The following FHIT variants were observed in gnomAD, a reference collection of about 807,000 sequenced individuals.
FHIT encodes the protein bis(5'-adenosyl)-triphosphatase.
In FHIT, 19 loss-of-function variants were observed where a neutral mutation model predicts 17.9. That is an observed-to-expected ratio of 1.06 (90% CI 0.74 to 1.56). The LOEUF (loss-of-function observed/expected upper bound fraction) is 1.56, where lower values mean the gene tolerates loss of function less well. Among genes scored for constraint, FHIT ranks in the 40% most tolerant of loss-of-function variants. The pLI is 0.00. For missense variants in FHIT, 248 were observed against 189.2 expected (o/e 1.31, Z -1.82); for synonymous variants, 81 against 69.7 (o/e 1.16, Z -0.81).
intron 4 of FHIT, among the ~76,000 whole-genome samples, chr3:60,554,830 G>C (rs983769670): frequency 3.9e-5 from 6 of 152,014 alleles, no homozygotes; most frequent in African/African-American, 1.5e-4. Flanking sequence ...ACCATTTTTT[G>C]ACTCCTGAAT....
At chr3:60,883,000 C>T (rs1294524079) in intron 3 of FHIT, among the ~76,000 whole-genome samples, 3 of 151,942 alleles carry the variant, frequency 2.0e-5, no homozygotes, top group Non-Finnish European at 4.4e-5. Context: ...TAGAATGAGA[C>T]AACAAAATCA....
intron 4 of FHIT, among the ~76,000 whole-genome samples, 171 bp downstream of exon 4, chr3:60,821,748 T>C (rs781962765): frequency 3.3e-5 from 5 of 152,186 alleles, no homozygotes; most frequent in African/African-American, 1.2e-4. Context: ...CAGCTACAAA[T>C]AGAAGTCGAA....
At chr3:60,344,555 GCTCT>G (rs779223249) in intron 5 of FHIT, among the ~76,000 whole-genome samples, 12 of 152,100 alleles carry the variant, frequency 7.9e-5, no homozygotes, top group Non-Finnish European at 1.5e-4. Context: ...TTCAGATTAT[GCTCT>G]CTCTTGAGGC....
chr3:59,827,823 T>C (rs1281048841), intron 8 of FHIT, among the ~76,000 whole-genome samples: 3 of 152,266 alleles, frequency 2.0e-5, no homozygotes, highest in East Asian at 1.9e-4. Flanking sequence ...AGATAATGTA[T>C]ATTTTTTAAC....
intron 5 of FHIT, among the ~76,000 whole-genome samples, chr3:60,446,545 T>C (rs2031344399): frequency 6.6e-6 from 1 of 152,024 alleles, no homozygotes; most frequent in South Asian, 2.1e-4. Flanking sequence ...CTCTACTTAT[T>C]TTAACCTCAG....
chr3:60,524,049 G>T, intron 5 of FHIT, among the ~76,000 whole-genome samples: 1 of 151,892 alleles, frequency 6.6e-6, no homozygotes, highest in African/African-American at 2.4e-5. Flanking sequence ...TGGTCAACCA[G>T]GGTCACTCAT....
At chr3:61,183,782 G>C (rs12494967) in intron 2 of FHIT, among the ~76,000 whole-genome samples, 12,948 of 151,748 alleles carry the variant, frequency 0.085, 1,202 homozygotes, top group East Asian at 0.43. Context: ...TCATTCTGCT[G>C]TCCTCATGAC....
chr3:59,752,263 G>A lies in FHIT; in HGVS notation c.407C>T (p.Ala136Val), dbSNP rs777202550. The change falls in exon 9 of 10, where the codon GCA (alanine) becomes GTA (valine). Residue 136 changes from alanine to valine, a missense_variant. Ala to Val is a moderately conservative substitution (Grantham distance 64). Coordinates refer to ENST00000492590, the MANE Select transcript of FHIT (RefSeq NM_002012.4). ...PASWRSEEEM[A>V]AEAAALRVYF... Reference sequence around the variant, plus strand: ...GACCCGCAGAGCTGCGGCTTCTGCTGCCATTTCCTCCTCTGATCTCCAAGA... The same window carrying A: ...GACCCGCAGAGCTGCGGCTTCTGCTACCATTTCCTCCTCTGATCTCCAAGA... The A allele has an allele frequency of 5.0e-6, 8 of 1,613,068 alleles. No homozygotes were observed. In the Admixed American group the frequency reaches 1.0e-4, roughly 20 times the overall value.
At chr3:60,054,340 A>G (rs112678478) in intron 5 of FHIT, among the ~76,000 whole-genome samples, 2,226 of 152,356 alleles carry the variant, frequency 0.015, 28 homozygotes, top group Non-Finnish European at 0.022. Context: ...AAAACACTTT[A>G]TGTGTGTGAG....
intron 3 of FHIT, among the ~76,000 whole-genome samples, chr3:60,890,267 C>T: frequency 7.1e-6 from 1 of 140,178 alleles, no homozygotes; most frequent in African/African-American, 2.8e-5. Flanking sequence ...CAGAATACTA[C>T]ATGATAAACA....
intron 8 of FHIT, among the ~76,000 whole-genome samples, chr3:59,766,645 G>T (rs1212126092): frequency 6.6e-6 from 1 of 152,104 alleles, no homozygotes; most frequent in Middle Eastern, 3.4e-3. Context: ...TATACATTTC[G>T]CATGCTTTCC....
intron 7 of FHIT, among the ~76,000 whole-genome samples, chr3:59,992,264 GGTTTAA>G (rs1206627162): frequency 1.3e-5 from 2 of 152,004 alleles, no homozygotes; most frequent in Non-Finnish European, 2.9e-5. Context: ...AGCTCCCGCA[GGTTTAA>G]GACATATATT....
At chr3:60,055,652 G>T (rs548460402) in intron 5 of FHIT, among the ~76,000 whole-genome samples, 1 of 152,166 alleles carries the variant, frequency 6.6e-6, no homozygotes, top group Non-Finnish European at 1.5e-5. Context: ...GGCATTTAGA[G>T]AAAGCTTTTT....
intron 3 of FHIT, among the ~76,000 whole-genome samples, chr3:60,915,815 T>G (rs782518344): frequency 1.3e-5 from 2 of 151,880 alleles, no homozygotes; most frequent in African/African-American, 2.4e-5. Context: ...CATCAGGGAG[T>G]AAAAATATAC....
At chr3:60,572,835 A>C (rs1219076215) in intron 4 of FHIT, among the ~76,000 whole-genome samples, 4 of 152,198 alleles carry the variant, frequency 2.6e-5, no homozygotes, top group Non-Finnish European at 5.9e-5. Context: ...TAATGGGAGC[A>C]GACCTGGGAC....
At chr3:60,022,980 G>A (rs1454764829) in intron 5 of FHIT, among the ~76,000 whole-genome samples, 1 of 152,160 alleles carries the variant, frequency 6.6e-6, no homozygotes, top group East Asian at 1.9e-4. Flanking sequence ...GGTTAGGAGA[G>A]TACTGAAAAG....
intron 7 of FHIT, among the ~76,000 whole-genome samples, chr3:59,932,972 C>T (rs1315402761): frequency 1.3e-5 from 2 of 152,150 alleles, no homozygotes; most frequent in Admixed American, 6.5e-5. Context: ...ACCCGGCTCC[C>T]TCCTTGACCA....
At chr3:60,661,273 G>T (rs1553691102) in intron 4 of FHIT, among the ~76,000 whole-genome samples, 1 of 152,038 alleles carries the variant, frequency 6.6e-6, no homozygotes, top group Non-Finnish European at 1.5e-5. Context: ...TCATAGCTTA[G>T]CTCCCACTTA....
intron 5 of FHIT, among the ~76,000 whole-genome samples, chr3:60,215,951 T>G (rs535500099): frequency 1.6e-3 from 246 of 152,320 alleles, no homozygotes; most frequent in Non-Finnish European, 2.3e-3. Context: ...TCAGTTACCA[T>G]GATAAATAAA....
Sources: allele counts gnomAD v4.1 joint callset (sites outside exome capture counted in the v4.1 genomes callset), GRCh38; gene constraint gnomAD v4.1.1; transcripts MANE v1.5; gene names NCBI Gene and HGNC (gene_info 2026-07-23, HGNC 2026-07-21).